Variants in TRIP12 observed in about 807,000 individuals in gnomAD.
TRIP12 encodes E3 ubiquitin-protein ligase TRIP12.
Under a neutral mutation model 244.2 loss-of-function variants are expected in TRIP12, and 25 were observed. The observed-to-expected ratio is 0.10, with a 90% CI of 0.07 to 0.14. The LOEUF (loss-of-function observed/expected upper bound fraction) is 0.14, where lower values mean the gene tolerates loss of function less well. Among genes scored for constraint, TRIP12 ranks in the 10% least tolerant of loss-of-function variants. TRIP12 has a pLI of 1.00. For missense variants in TRIP12, 1,677 were observed against 2,486.4 expected (o/e 0.67, Z 6.92); for synonymous variants, 905 against 873.1 (o/e 1.04, Z -0.64).
chr2:229,917,915 T>C (rs2075806272), intron 1 of TRIP12, among the ~76,000 whole-genome samples: 1 of 152,092 alleles, frequency 6.6e-6, no homozygotes, highest in African/African-American at 2.4e-5. Flanking sequence ...CTACAACTCC[T>C]AGCCTCAAGC....
At chr2:229,809,477 AT>A (rs745822443) in intron 15 of TRIP12, among the ~76,000 whole-genome samples, 25 of 152,224 alleles carry the variant, frequency 1.6e-4, no homozygotes, top group Non-Finnish European at 3.2e-4. Context: ...AAGAAAAAAA[AT>A]GTTAAAACAA....
intron 4 of TRIP12, among the ~76,000 whole-genome samples, chr2:229,841,715 T>G (rs1285461186): frequency 6.6e-6 from 1 of 152,236 alleles, no homozygotes; most frequent in South Asian, 2.1e-4. Context: ...CATATTTCCA[T>G]GAGAACTCAG....
intron 8 of TRIP12, among the ~76,000 whole-genome samples, chr2:229,825,493 A>T (rs757253932): frequency 6.6e-5 from 10 of 152,220 alleles, no homozygotes; most frequent in Non-Finnish European, 1.2e-4. Flanking sequence ...GGTTGAATTG[A>T]CTCACAGTTT....
intron 1 of TRIP12, among the ~76,000 whole-genome samples, chr2:229,886,760 C>A (rs972485555): frequency 6.6e-6 from 1 of 152,144 alleles, no homozygotes; most frequent in Admixed American, 6.5e-5. Flanking sequence ...AGCCACTGTG[C>A]CCGGCCAAAC....
chr2:229,877,060 A>T (rs937745550), intron 2 of TRIP12, among the ~76,000 whole-genome samples: 4 of 151,304 alleles, frequency 2.6e-5, no homozygotes, highest in Non-Finnish European at 5.9e-5. Context: ...TTTTGCTATT[A>T]AAAAAAACTG....
chr2:229,901,620 G>GAAA (rs57457531), intron 1 of TRIP12, among the ~76,000 whole-genome samples: 42 of 143,526 alleles, frequency 2.9e-4, no homozygotes, highest in East Asian at 1.2e-3. Context: ...GAGACTGTCT[G>GAAA]AAAAAAAAAA....
intron 9 of TRIP12, among the ~76,000 whole-genome samples, chr2:229,816,199 A>G (rs1408674180): frequency 1.3e-5 from 2 of 152,158 alleles, no homozygotes; most frequent in East Asian, 3.8e-4. Flanking sequence ...CTCAATATGA[A>G]TGTCTTCTCA....
At chr2:229,843,806 C>A (rs1411899407) in intron 4 of TRIP12, among the ~76,000 whole-genome samples, 1 of 152,016 alleles carries the variant, frequency 6.6e-6, no homozygotes, top group Admixed American at 6.6e-5. Context: ...CGGGAGGATC[C>A]CTTAAGCCCA....
At chr2:229,832,944 T>G (rs2053833784) in intron 6 of TRIP12, among the ~76,000 whole-genome samples, 1 of 152,118 alleles carries the variant, frequency 6.6e-6, no homozygotes, top group Non-Finnish European at 1.5e-5. Flanking sequence ...ACAAATGAAA[T>G]AGTGGGTATT....
At chr2:229,884,902 C>T (rs372701731) in intron 1 of TRIP12, among the ~76,000 whole-genome samples, 6 of 152,162 alleles carry the variant, frequency 3.9e-5, no homozygotes, top group East Asian at 1.9e-4. Flanking sequence ...CCTGGGAGGA[C>T]GAGGCTGTGG....
chr2:229,769,422 C>A, intron 39 of TRIP12, 97 bp from the exon 40 acceptor site: 1 of 970,590 alleles, frequency 1.0e-6, no homozygotes, highest in Non-Finnish European at 1.5e-6. Context: ...GAGTATCAGT[C>A]TCAGTACTAA....
In TRIP12 at chr2:229,765,919, G is replaced by T. The variant is rs991303278; in HGVS notation, c.*1635C>A. The T allele has an allele frequency of 6.6e-6, 1 of 152,116 alleles. No individual in the cohort carries two copies. The highest frequency in any genetic ancestry group is 1.5e-5 in the Non-Finnish European group (1 of 68,020). The allele number at this position is 152,116 out of a possible 1,614,324, so 9.4% of individuals were successfully genotyped here. A position where few individuals can be genotyped will look rare whatever the true frequency, so the allele number is the denominator to read the frequency against. On this transcript the variant is annotated 3_prime_UTR_variant, in exon 42 of 42. Coordinates refer to ENST00000675903, the MANE Select transcript of TRIP12 (RefSeq NM_001348323.3). ...TGACAGTTCCCTTCCACTTAATGGG[G>T]TCACTGCCCAAGTGAACTCTCAGGA...
intron 20 of TRIP12, 25 bp from the exon 21 acceptor site, chr2:229,802,484 G>A: frequency 1.9e-6 from 3 of 1,580,304 alleles, no homozygotes; most frequent in Non-Finnish European, 2.6e-6. Flanking sequence ...AGATGAAAGG[G>A]AGTCAGTTTT....
chr2:229,881,718 A>G (rs2064915742), intron 1 of TRIP12, among the ~76,000 whole-genome samples: 2 of 152,214 alleles, frequency 1.3e-5, no homozygotes, highest in African/African-American at 4.8e-5. Context: ...AGAGAAGAAA[A>G]GGTTAAACTT....
rs769845700 is a variant in TRIP12 at position 229,880,085 on chromosome 2, C to A, written c.-6G>T. 1.9e-6 allele frequency: 3 copies of A among 1,613,884 alleles called. No homozygotes were observed. The highest frequency in any genetic ancestry group is 4.5e-5 in the East Asian group (2 of 44,872). ...TTATTAGGCCGGTTGGACATTGGCA[C>A]CTCTCTCTTGAAGGGACATACCCTT... On this transcript the variant is annotated 5_prime_UTR_variant, in exon 2 of 42. Coordinates refer to ENST00000675903, the MANE Select transcript of TRIP12 (RefSeq NM_001348323.3).
chr2:229,808,180 C>T (rs558291432), intron 16 of TRIP12, 72 bp downstream of exon 16: 1 of 1,093,390 alleles, frequency 9.1e-7, no homozygotes, highest in Admixed American at 1.8e-5. Flanking sequence ...GTTGGCCAGG[C>T]TGGTCTCGAA....
At chr2:229,803,476 A>G (rs934708639) in intron 20 of TRIP12, 95 bp downstream of exon 20, 14 of 759,832 alleles carry the variant, frequency 1.8e-5, no homozygotes, top group Non-Finnish European at 2.5e-5. Context: ...TCATTTTTAA[A>G]TTGAAAAGCT....
intron 4 of TRIP12, among the ~76,000 whole-genome samples, chr2:229,857,568 T>C (rs1440286325): frequency 6.6e-6 from 1 of 151,414 alleles, no homozygotes; most frequent in Non-Finnish European, 1.5e-5. Context: ...GAGGTGGAGG[T>C]TGCAGTGAGC....
intron 8 of TRIP12, among the ~76,000 whole-genome samples, chr2:229,825,764 T>C (rs904106194): frequency 1.3e-5 from 2 of 152,150 alleles, no homozygotes; most frequent in Non-Finnish European, 2.9e-5. Flanking sequence ...AGCCAAATCA[T>C]AGCAGGGAGA....
Sources: gnomAD v4.1 joint callset for allele counts (sites outside exome capture counted in the v4.1 genomes callset) on GRCh38, gnomAD v4.1.1 for gene constraint, MANE v1.5 for transcripts, NCBI Gene and HGNC (gene_info 2026-07-23, HGNC 2026-07-21) for gene names.